Variants in IL23R observed in about 807,000 individuals in gnomAD.
IL23R encodes the protein interleukin-23 receptor.
In IL23R, 34 loss-of-function variants were observed where a neutral mutation model predicts 56.9. The observed-to-expected ratio is 0.60, with a 90% CI of 0.45 to 0.80. The LOEUF (loss-of-function observed/expected upper bound fraction) is 0.80, where lower values mean the gene tolerates loss of function less well. Among genes scored for constraint, IL23R ranks in the 30% least tolerant of loss-of-function variants. IL23R has a pLI of 0.00. For missense variants in IL23R, 635 were observed against 730.0 expected, an observed-to-expected ratio of 0.87 and a Z score of 1.50; for synonymous variants, 230 against 249.2, an observed-to-expected ratio of 0.92 and a Z score of 0.73.
At chr1:67,210,014 G>A (rs760053002) in intron 6 of IL23R, among the ~76,000 whole-genome samples, 11 of 152,102 alleles carry the variant, frequency 7.2e-5, no homozygotes, top group Non-Finnish European at 1.3e-4. Context: ...AAAATTGTTC[G>A]GAAAGGAGAA....
chr1:67,249,794 A>C (rs1279547778), intron 9 of IL23R, among the ~76,000 whole-genome samples: 2 of 152,208 alleles, frequency 1.3e-5, no homozygotes, highest in Non-Finnish European at 2.9e-5. Context: ...TTAAAGGTTT[A>C]AAATACTTGA....
chr1:67,257,215 G>C (rs1001236132), intron 10 of IL23R, among the ~76,000 whole-genome samples: 4 of 152,182 alleles, frequency 2.6e-5, no homozygotes, highest in African/African-American at 9.7e-5. Flanking sequence ...CTGCCCGAGA[G>C]ACTAAGGAAT....
At chr1:67,229,124 G>A (rs1650931043) in intron 7 of IL23R, among the ~76,000 whole-genome samples, 1 of 152,148 alleles carries the variant, frequency 6.6e-6, no homozygotes, top group Non-Finnish European at 1.5e-5. Context: ...TAGACATAGT[G>A]TCAGATCCTA....
chr1:67,177,845 A>T (rs1647032180), intron 3 of IL23R, among the ~76,000 whole-genome samples: 1 of 151,096 alleles, frequency 6.6e-6, no homozygotes. Context: ...ATGGCTAGCC[A>T]GTTTCCCAAC....
At chr1:67,258,049 T>C (rs1423028916) in intron 10 of IL23R, among the ~76,000 whole-genome samples, 1 of 152,082 alleles carries the variant, frequency 6.6e-6, no homozygotes, top group Non-Finnish European at 1.5e-5. Context: ...GTGAGCAAAA[T>C]AGGATTCTCC....
At chr1:67,243,774 G>A (rs1570915060) in intron 9 of IL23R, among the ~76,000 whole-genome samples, 1 of 152,224 alleles carries the variant, frequency 6.6e-6, no homozygotes, top group African/African-American at 2.4e-5. Flanking sequence ...AAACATACAT[G>A]TGCATGTGTC....
At chr1:67,231,774 C>T (rs1246066923) in intron 7 of IL23R, 2 of 152,138 alleles carry the variant, frequency 1.3e-5, no homozygotes, top group South Asian at 2.1e-4. Context: ...AATTCTAGCA[C>T]TTTGGGAGGC....
intron 1 of IL23R, among the ~76,000 whole-genome samples, chr1:67,140,200 G>T (rs1416030816): frequency 6.6e-6 from 1 of 152,106 alleles, no homozygotes; most frequent in Admixed American, 6.5e-5. Context: ...ATCTTGCAAG[G>T]CTTCACTTAC....
intron 4 of IL23R, among the ~76,000 whole-genome samples, chr1:67,188,078 A>T (rs1294205123): frequency 6.6e-6 from 1 of 152,172 alleles, no homozygotes; most frequent in Non-Finnish European, 1.5e-5. Flanking sequence ...AAAGAAAAAT[A>T]AAAAAACTCA....
intron 8 of IL23R, among the ~76,000 whole-genome samples, chr1:67,237,025 T>C (rs1340398248): frequency 2.0e-5 from 3 of 152,120 alleles, no homozygotes; most frequent in African/African-American, 7.2e-5. Context: ...ATTGTATACA[T>C]TTTTTAAAAT....
chr1:67,174,120 T>G (rs1646979399), intron 3 of IL23R, among the ~76,000 whole-genome samples: 1 of 152,158 alleles, frequency 6.6e-6, no homozygotes, highest in African/African-American at 2.4e-5. Flanking sequence ...GAACATCCTT[T>G]AAGCCAAATA....
At chr1:67,206,222 C>T (rs1326242187) in intron 5 of IL23R, among the ~76,000 whole-genome samples, 4 of 152,044 alleles carry the variant, frequency 2.6e-5, no homozygotes, top group Non-Finnish European at 5.9e-5. Flanking sequence ...CCACGACGAC[C>T]AGGCTGGTCT....
intron 7 of IL23R, among the ~76,000 whole-genome samples, chr1:67,230,384 A>C (rs1173896596): frequency 6.6e-6 from 1 of 152,210 alleles, no homozygotes; most frequent in Non-Finnish European, 1.5e-5. Flanking sequence ...CTGGAGAGCA[A>C]GGGTGTACTT....
chr1:67,189,028 T>A (rs753754397), intron 4 of IL23R, among the ~76,000 whole-genome samples: 2 of 152,034 alleles, frequency 1.3e-5, no homozygotes, highest in Non-Finnish European at 2.9e-5. Context: ...AAATTATTAT[T>A]TATAGGATAT....
chr1:67,261,883 GT>G (rs1653215230), downstream of IL23R, among the ~76,000 whole-genome samples: 1 of 152,158 alleles, frequency 6.6e-6, no homozygotes, highest in Non-Finnish European at 1.5e-5. Context: ...GCCCCCTAGA[GT>G]GGGAAGGAAG....
At chr1:67,167,364 C>A (rs1477630718) in intron 1 of IL23R, among the ~76,000 whole-genome samples, 2 of 152,216 alleles carry the variant, frequency 1.3e-5, no homozygotes, top group Non-Finnish European at 2.9e-5. Flanking sequence ...AGCCACCACG[C>A]CTCCCCAGAT....
chr1:67,243,021 CAT>C (rs1651952120), intron 9 of IL23R, among the ~76,000 whole-genome samples: 1 of 152,248 alleles, frequency 6.6e-6, no homozygotes. Flanking sequence ...ACCACACAAA[CAT>C]ATTTAATTTG....
At chr1:67,248,961 C>A (rs1321225011) in intron 9 of IL23R, among the ~76,000 whole-genome samples, 1 of 152,076 alleles carries the variant, frequency 6.6e-6, no homozygotes, top group African/African-American at 2.4e-5. Context: ...CGATGCCCCA[C>A]CCTGCTTCAG....
chr1:67,183,560 A>T (rs1208941682), intron 4 of IL23R, among the ~76,000 whole-genome samples: 2 of 152,098 alleles, frequency 1.3e-5, no homozygotes, highest in African/African-American at 4.8e-5. Flanking sequence ...ATAATAAATT[A>T]TTGCTTAAAT....
Sources: gnomAD v4.1 joint callset for allele counts (sites outside exome capture counted in the v4.1 genomes callset) on GRCh38, gnomAD v4.1.1 for gene constraint, MANE v1.5 for transcripts, NCBI Gene and HGNC (gene_info 2026-07-23, HGNC 2026-07-21) for gene names.